Variants in ARFGEF3 observed in about 807,000 individuals in gnomAD.
ARFGEF3 encodes ARFGEF family member 3, also known as brefeldin A-inhibited guanine nucleotide-exchange protein 3.
Under a neutral mutation model 221.7 loss-of-function variants are expected in ARFGEF3, and 96 were observed. That is an observed-to-expected ratio of 0.43 (90% CI 0.37 to 0.51). ARFGEF3 has a LOEUF of 0.51. Ranked by LOEUF, ARFGEF3 falls within the 20% of genes least tolerant of loss-of-function variation. The pLI is 0.00. For missense variants in ARFGEF3, 2,410 were observed against 2,789.9 expected, an observed-to-expected ratio of 0.86 and a Z score of 3.07; for synonymous variants, 1,145 against 1,126.8, an observed-to-expected ratio of 1.02 and a Z score of -0.32.
In ARFGEF3 at chr6:138,267,394, C is replaced by T. The variant is rs535681830; in HGVS notation, c.2128+3783C>T. ...GAGCCGAGATTGCACCACTGCACTC[C>T]AGCCTAGGCAACAGAGCTACTCCGC... On this transcript the variant is annotated intron_variant, in intron 12 of 33. Transcript: ENST00000251691. Among the ~76,000 whole-genome samples, 5 of 152,248 alleles carry T rather than the reference C, an allele frequency of 3.3e-5. No individual in the cohort carries two copies. In the South Asian group the frequency reaches 6.2e-4, roughly 19 times the overall value.
intron 4 of ARFGEF3, chr6:138,216,861 G>A (rs1474259446): frequency 6.6e-6 from 1 of 152,216 alleles, no homozygotes. Flanking sequence ...TTAATGCAGG[G>A]AAGTGTCTAA....
chr6:138,236,778 T>C (rs913561293), intron 5 of ARFGEF3, among the ~76,000 whole-genome samples: 2 of 152,222 alleles, frequency 1.3e-5, no homozygotes, highest in African/African-American at 2.4e-5. Flanking sequence ...CTAAAACACC[T>C]TTTCTTTTCT....
At chr6:138,273,189 T>C (rs187641706) in intron 12 of ARFGEF3, among the ~76,000 whole-genome samples, 71 of 152,348 alleles carry the variant, frequency 4.7e-4, no homozygotes, top group African/African-American at 1.7e-3. Context: ...AGAGGTATCA[T>C]TGGGCCTTGA....
At chr6:138,177,453 T>C (rs573547941) in intron 2 of ARFGEF3, among the ~76,000 whole-genome samples, 41 of 152,262 alleles carry the variant, frequency 2.7e-4, no homozygotes, top group African/African-American at 9.9e-4. Flanking sequence ...TATAATATGC[T>C]GCAGTGAAGT....
At chr6:138,331,398 G>A (rs1328711404) in intron 32 of ARFGEF3, among the ~76,000 whole-genome samples, 1 of 152,228 alleles carries the variant, frequency 6.6e-6, no homozygotes, top group East Asian at 1.9e-4. Flanking sequence ...GCAATTCTTA[G>A]TTTAGCATAG....
Position 138,336,515 on chromosome 6 carries a change from T to A in ARFGEF3, c.*29T>A. 1 of 1,567,406 alleles carries A rather than the reference T, an allele frequency of 6.4e-7. No homozygotes were observed. Among genetic ancestry groups the A allele is most frequent in the East Asian group, 2.3e-5 (1 of 43,482 alleles). ...ACTCCTGTTCTACTCTCCCACCAAA[T>A]AACAGTAGTGAGGGTTAGAGTCCTG... On this transcript the variant is annotated 3_prime_UTR_variant, in exon 34 of 34. Transcript: ENST00000251691.
At chr6:138,220,356 T>A (rs915001630) in intron 4 of ARFGEF3, among the ~76,000 whole-genome samples, 1 of 152,232 alleles carries the variant, frequency 6.6e-6, no homozygotes, top group Non-Finnish European at 1.5e-5. Flanking sequence ...GTTCTCTCTA[T>A]ATATCTATAT....
At chr6:138,257,908 G>A (rs1318137289) in intron 10 of ARFGEF3, among the ~76,000 whole-genome samples, 2 of 152,200 alleles carry the variant, frequency 1.3e-5, no homozygotes, top group Non-Finnish European at 2.9e-5. Flanking sequence ...AATATCAAGT[G>A]CTAAACAAAT....
At chr6:138,234,071 G>A (rs1369302523) in intron 5 of ARFGEF3, among the ~76,000 whole-genome samples, 3 of 152,150 alleles carry the variant, frequency 2.0e-5, no homozygotes, top group African/African-American at 4.8e-5. Flanking sequence ...CTTTGAGCAC[G>A]TGCTTCTTTG....
chr6:138,177,100 T>TA (rs200623930), intron 2 of ARFGEF3, among the ~76,000 whole-genome samples: 3,505 of 102,766 alleles, frequency 0.034, 94 homozygotes, highest in East Asian at 0.12. Context: ...TTTATTTATA[T>TA]TTTTTTTGAG....
intron 12 of ARFGEF3, among the ~76,000 whole-genome samples, chr6:138,265,101 C>T (rs1021920029): frequency 2.6e-5 from 4 of 152,060 alleles, no homozygotes; most frequent in African/African-American, 7.2e-5. Context: ...GACAGGGTTT[C>T]GCTGTGTTAG....
intron 4 of ARFGEF3, chr6:138,215,836 G>C (rs1474972701): frequency 7.3e-6 from 1 of 136,278 alleles, no homozygotes; most frequent in South Asian, 2.5e-4. Flanking sequence ...TTAGCTAATC[G>C]GTCTGGTGTG....
intron 22 of ARFGEF3, among the ~76,000 whole-genome samples, chr6:138,301,273 A>G (rs188623187): frequency 6.8e-4 from 104 of 152,364 alleles, no homozygotes; most frequent in African/African-American, 2.3e-3. Context: ...CAACAAATTG[A>G]GTAGCATTTA....
intron 5 of ARFGEF3, among the ~76,000 whole-genome samples, 168 bp downstream of exon 5, chr6:138,230,020 C>G (rs185259466): frequency 6.6e-6 from 1 of 152,076 alleles, no homozygotes; most frequent in African/African-American, 2.4e-5. Context: ...CTGTGTGGTG[C>G]GCCATCCTTA....
chr6:138,165,280 A>AGAGGG (rs1776702607), intron 1 of ARFGEF3, among the ~76,000 whole-genome samples: 1 of 120,784 alleles, frequency 8.3e-6, no homozygotes, highest in African/African-American at 3.2e-5. Flanking sequence ...TGGGAGAGAG[A>AGAGGG]TCATCCTTGA....
chr6:138,217,646 A>G (rs1307754301), intron 4 of ARFGEF3: 2 of 215,604 alleles, frequency 9.3e-6, no homozygotes, highest in Non-Finnish European at 1.8e-5. Context: ...TCTGGTGCCT[A>G]GCGGAGCATC....
At chr6:138,327,662 T>C (rs1780150412) in intron 31 of ARFGEF3, among the ~76,000 whole-genome samples, 1 of 152,176 alleles carries the variant, frequency 6.6e-6, no homozygotes, top group Non-Finnish European at 1.5e-5. Context: ...TTGAATATGA[T>C]ACCAAAGACT....
chr6:138,296,109 C>T (rs1026801296), intron 20 of ARFGEF3, among the ~76,000 whole-genome samples: 2 of 152,038 alleles, frequency 1.3e-5, no homozygotes, highest in Non-Finnish European at 2.9e-5. Flanking sequence ...ATTAGGGCAC[C>T]AAGAGAGCCC....
intron 8 of ARFGEF3, among the ~76,000 whole-genome samples, chr6:138,248,336 CG>C (rs1315636698): frequency 2.0e-5 from 3 of 152,116 alleles, no homozygotes; most frequent in Non-Finnish European, 4.4e-5. Flanking sequence ...ACAGCCTCGC[CG>C]GTGGCAGCCA....
Sources: allele counts gnomAD v4.1 joint callset (sites outside exome capture counted in the v4.1 genomes callset), GRCh38; gene constraint gnomAD v4.1.1; transcripts MANE v1.5; gene names NCBI Gene and HGNC (gene_info 2026-07-23, HGNC 2026-07-21).